Variants in GNB1 observed in about 807,000 individuals in gnomAD.
GNB1 encodes the protein G protein subunit beta 1.
GNB1 carries 2 observed loss-of-function variants against 42.9 expected under a neutral mutation model. The ratio of observed to expected loss-of-function variants is 0.05; its 90% CI spans 0.02 to 0.15. GNB1 has a LOEUF of 0.15. Among genes scored for constraint, GNB1 ranks in the 10% least tolerant of loss-of-function variants. GNB1 has a pLI of 1.00. For synonymous variants in GNB1, 183 were observed against 174.7 expected (o/e 1.05, Z -0.38); for missense variants, 193 against 462.2 (o/e 0.42, Z 5.34).
At chr1:1,857,453 T>C (rs775168352) in intron 1 of GNB1, among the ~76,000 whole-genome samples, 24 of 152,186 alleles carry the variant, frequency 1.6e-4, no homozygotes, top group Non-Finnish European at 2.9e-4. Flanking sequence ...CAGCCATGTC[T>C]CTGTCTCCAG....
In GNB1 at chr1:1,815,877, C is replaced by T. The variant is rs779956320; in HGVS notation, c.97-15G>A. The stretch of plus-strand genomic sequence containing the variant: ...TTGTTTGTGATCTTGAAAATAAAAA[C>T]ATTTCTGTAAATCAACATCTGTGAT... On this transcript the variant is annotated splice_polypyrimidine_tract_variant and intron_variant, in intron 4 of 11. Transcript: ENST00000378609. 6.2e-6 allele frequency: 9 copies of T among 1,454,728 alleles called. No homozygotes were observed. Among genetic ancestry groups the T allele is most frequent in the Non-Finnish European group, 7.7e-6 (8 of 1,034,876 alleles). The allele number at this position is 1,454,728 out of a possible 1,614,324, so 90.1% of individuals were successfully genotyped here.
At chr1:1,845,889 T>C (rs1021337800) in intron 1 of GNB1, among the ~76,000 whole-genome samples, 5 of 150,084 alleles carry the variant, frequency 3.3e-5, no homozygotes, top group Admixed American at 2.7e-4. Context: ...CTCCTATCTC[T>C]TGTCAACTGA....
chr1:1,805,161 C>T (rs943067128), intron 6 of GNB1, among the ~76,000 whole-genome samples: 48 of 148,648 alleles, frequency 3.2e-4, no homozygotes, highest in Non-Finnish European at 6.4e-4. Flanking sequence ...GACTCCGTCT[C>T]AAAAGAAAAC....
At position 1,790,706 on chromosome 1, in the gene GNB1, C is replaced by A; in HGVS notation, c.498-110G>T. ...CACCCAGGGCCACAGTGAGCCTCTG[C>A]ACTGTTACTTTAAAAACGTAAATTG... On this transcript the variant is annotated intron_variant, in intron 8 of 11. Transcript: ENST00000378609. This position sits in a 1 kb window ranked among gnomAD's most constrained non-coding sequence, Gnocchi z 5.4. The A allele has an allele frequency of 1.5e-6, 1 of 673,976 alleles. No homozygotes were observed. The allele number at this position is 673,976 out of a possible 1,614,324, so 41.7% of individuals were successfully genotyped here.
intron 7 of GNB1, among the ~76,000 whole-genome samples, chr1:1,804,170 G>A (rs1285688869): frequency 7.3e-5 from 11 of 151,218 alleles, no homozygotes; most frequent in East Asian, 2.0e-4. Context: ...GGTGGTGGGC[G>A]CCTGTAGTCC....
At chr1:1,860,831 A>G (rs1412961908) in intron 1 of GNB1, among the ~76,000 whole-genome samples, 1 of 151,896 alleles carries the variant, frequency 6.6e-6, no homozygotes, top group African/African-American at 2.4e-5. Context: ...GCTGTAACAC[A>G]CTACACGCTC....
chr1:1,854,392 G>A (rs1325712929), intron 1 of GNB1, among the ~76,000 whole-genome samples: 1 of 152,152 alleles, frequency 6.6e-6, no homozygotes, highest in East Asian at 1.9e-4. Context: ...CTGAATGTGA[G>A]AGACAAATTA....
At chr1:1,862,225 A>G (rs1648671017) in intron 1 of GNB1, among the ~76,000 whole-genome samples, 3 of 152,226 alleles carry the variant, frequency 2.0e-5, no homozygotes, top group African/African-American at 7.2e-5. Context: ...TGTCAAATAA[A>G]TAAATAACTA....
intron 4 of GNB1, among the ~76,000 whole-genome samples, chr1:1,816,782 G>T (rs1646863548): frequency 6.6e-6 from 1 of 151,614 alleles, no homozygotes; most frequent in Admixed American, 6.6e-5. Flanking sequence ...CTGAGTAGCT[G>T]GGATTACAGG....
chr1:1,887,725 C>G (rs1570768167), intron 1 of GNB1, among the ~76,000 whole-genome samples: 1 of 152,218 alleles, frequency 6.6e-6, no homozygotes, highest in Non-Finnish European at 1.5e-5. Context: ...AAGCGATTCC[C>G]GTGCCTAAAC....
rs200842912 is a variant in GNB1, at chr1:1,804,549, G to T, written c.300C>A (p.Val100=). The change falls in exon 7 of 12, where the codon GTC becomes GTA. Residue 100 remains valine (V), a synonymous_variant. Coordinates refer to ENST00000378609, the MANE Select transcript of GNB1 (RefSeq NM_002074.5). ...CAGAAGGGGCATATGCACAGGTCATGACCCAGGAGGAGCGCAGAGGGATGG... is the reference window on the plus strand; with the variant it reads ...CAGAAGGGGCATATGCACAGGTCATTACCCAGGAGGAGCGCAGAGGGATGG... ...VHAIPLRSSW[V]MTCAYAPSGN... The T allele has an allele frequency of 2.7e-5, 43 of 1,612,562 alleles. No homozygotes were observed. The East Asian group carries it at 9.4e-4, about 35-fold the overall frequency.
chr1:1,804,110 G>A (rs911968612), intron 7 of GNB1, among the ~76,000 whole-genome samples: 9 of 149,556 alleles, frequency 6.0e-5, no homozygotes, highest in Non-Finnish European at 1.3e-4. Context: ...TGGCTAACAC[G>A]GTGAAACCCT....
chr1:1,804,395 A>C lies in GNB1; in HGVS notation c.430+24T>G, dbSNP rs202060609. 1,416 of 1,585,490 alleles carry C rather than the reference A, an allele frequency of 8.9e-4. 3 individuals carry two copies. Among genetic ancestry groups the C allele is most frequent in the Non-Finnish European group, 8.8e-4 (1,021 of 1,154,070 alleles). ...CCAGGTAAACAGCTTGTGTCACTTG[A>C]AGCTTATGAACAAGGACAGGTACCT... On this transcript the variant is annotated intron_variant, in intron 7 of 11. Coordinates refer to ENST00000378609, the MANE Select transcript of GNB1 (RefSeq NM_002074.5).
intron 7 of GNB1, among the ~76,000 whole-genome samples, chr1:1,801,292 T>C (rs1220842339): frequency 6.6e-6 from 1 of 152,226 alleles, no homozygotes; most frequent in Non-Finnish European, 1.5e-5. Flanking sequence ...CCTCCCAAAG[T>C]GCTGGGATTA....
rs76241667 is a variant in GNB1 at position 1,828,979 on chromosome 1, A to T, written c.-46-3480T>A. 3.0e-3 allele frequency among the ~76,000 whole-genome samples: 452 copies of T among 152,298 alleles called. 6 individuals are homozygous for T. Among genetic ancestry groups the T allele is most frequent in the African/African-American group, 0.01 (429 of 41,564 alleles). ...TCTTCAGTCCACACATAGAAGTGAT[A>T]AGAAAAATCTATTGTCAGGCATTTC... is the stretch of plus-strand genomic sequence containing the variant. On this transcript the variant is annotated intron_variant, in intron 2 of 11. Coordinates refer to ENST00000378609, the MANE Select transcript of GNB1 (RefSeq NM_002074.5).
At position 1,789,930 on chromosome 1, in the gene GNB1, G is replaced by A. The variant is rs59002223; in HGVS notation, c.699+465C>T. ...AATCTCATGGAGGAAGGAGGGAAGC[G>A]GGCTGACCAAGGCTGTGGTCAGGAC... On this transcript the variant is annotated intron_variant, in intron 9 of 11. Transcript: ENST00000378609. 3.9e-3 allele frequency among the ~76,000 whole-genome samples: 591 copies of A among 152,244 alleles called. 4 individuals carry two copies. The highest frequency in any genetic ancestry group is 0.014 in the African/African-American group (565 of 41,530).
Position 1,790,897 on chromosome 1 carries a change from ACTGAGGCTGTG to A in GNB1, c.498-312_498-302del, listed in dbSNP as rs1646473031. On this transcript the variant is annotated intron_variant, in intron 8 of 11. Transcript: ENST00000378609. This position sits in a 1 kb window ranked among gnomAD's most constrained non-coding sequence, Gnocchi z 5.4. ...CTGGGGGCACTTTTCAAGCAGCACC[ACTGAGGCTGTG>A]CCCCCTCTTTGGTCATGGATGGGCA... Among the ~76,000 whole-genome samples, 2 of 152,152 alleles carry A rather than the reference ACTGAGGCTGTG, an allele frequency of 1.3e-5. No homozygotes were observed. The highest frequency in any genetic ancestry group is 4.8e-5 in the African/African-American group (2 of 41,430).
At chr1:1,826,355 T>G (rs1304802498) in intron 2 of GNB1, among the ~76,000 whole-genome samples, 4 of 152,190 alleles carry the variant, frequency 2.6e-5, no homozygotes, top group African/African-American at 9.7e-5. Flanking sequence ...AGGCAGAGGT[T>G]GCACTGAGCC....
intron 1 of GNB1, among the ~76,000 whole-genome samples, chr1:1,850,763 TAAC>T (rs1199767733): frequency 1.3e-5 from 2 of 152,256 alleles, no homozygotes; most frequent in Non-Finnish European, 2.9e-5. Context: ...ATTTCTCTCT[TAAC>T]AAGAAATCGC....
Sources: allele counts gnomAD v4.1 joint callset (sites outside exome capture counted in the v4.1 genomes callset), GRCh38; gene constraint gnomAD v4.1.1; non-coding constraint Gnocchi (gnomAD v3.1); transcripts MANE v1.5; gene names NCBI Gene and HGNC (gene_info 2026-07-23, HGNC 2026-07-21).